Variants in TNS3 observed in about 807,000 individuals in gnomAD.
TNS3 encodes tensin 3.
In TNS3, 45 loss-of-function variants were observed where a neutral mutation model predicts 140.9. That is an observed-to-expected ratio of 0.32 (90% CI 0.25 to 0.41). The LOEUF (loss-of-function observed/expected upper bound fraction) is 0.41, where lower values mean the gene tolerates loss of function less well. TNS3 is among the 10% of genes least tolerant of loss of function. The probability of loss-of-function intolerance (pLI) is 1.00; values close to 1 mark genes in which losing one functional copy is unlikely to be tolerated. For missense variants in TNS3, 1,716 were observed against 1,906.7 expected, an observed-to-expected ratio of 0.90 and a Z score of 1.86; for synonymous variants, 815 against 788.4, an observed-to-expected ratio of 1.03 and a Z score of -0.56.
chr7:47,554,064 C>CA (rs1352270596), intron 1 of TNS3, among the ~76,000 whole-genome samples: 1 of 151,658 alleles, frequency 6.6e-6, no homozygotes, highest in Non-Finnish European at 1.5e-5. Context: ...CTCGGCCTCC[C>CA]AAAGTGCTGG....
rs1313525717 is a variant in TNS3 at position 47,471,808 on chromosome 7, G to GGTGT, written c.-76+9291_-76+9294dup. Among the ~76,000 whole-genome samples, 4 of 152,178 alleles carry GGTGT rather than the reference G, an allele frequency of 2.6e-5. No homozygotes were observed. In the East Asian group the frequency reaches 7.7e-4, roughly 29 times the overall value. On this transcript the variant is annotated intron_variant, in intron 4 of 30. Coordinates refer to ENST00000311160, the MANE Select transcript of TNS3 (RefSeq NM_022748.12). ...GTCTTCACCCAGATGAGGCTGGAGAGGTGTGAGCCAAAAAGGATTTCCAGA... is the reference window on the plus strand; with the variant it reads ...GTCTTCACCCAGATGAGGCTGGAGAGGTGTGTGTGAGCCAAAAAGGATTTCCAGA...
intron 20 of TNS3, among the ~76,000 whole-genome samples, chr7:47,320,409 C>T (rs553821368): frequency 2.0e-5 from 3 of 152,222 alleles, no homozygotes; most frequent in East Asian, 1.9e-4. Context: ...TGGTATTCCA[C>T]GAGTTGGGAG....
chr7:47,517,213 C>T (rs1007839436), intron 2 of TNS3, among the ~76,000 whole-genome samples: 8 of 152,164 alleles, frequency 5.3e-5, no homozygotes, highest in Non-Finnish European at 1.2e-4. Flanking sequence ...AAGACAAGAA[C>T]GCCCAACCTT....
chr7:47,475,533 CGGG>C (rs5884004), intron 4 of TNS3, among the ~76,000 whole-genome samples: 1 of 151,140 alleles, frequency 6.6e-6, no homozygotes, highest in South Asian at 2.1e-4. Context: ...GGCACTTCCC[CGGG>C]GGGGGGGCCA....
chr7:47,344,683 CTG>C, intron 20 of TNS3, 70 bp downstream of exon 20: 3 of 1,368,714 alleles, frequency 2.2e-6, no homozygotes, highest in Middle Eastern at 2.6e-4. Context: ...GAGTTCTTCT[CTG>C]TAAAAATGGC....
intron 1 of TNS3, among the ~76,000 whole-genome samples, chr7:47,573,672 C>G (rs975788208): frequency 6.6e-6 from 1 of 152,188 alleles, no homozygotes; most frequent in Non-Finnish European, 1.5e-5. Flanking sequence ...CCAGTTGACT[C>G]CAGATAGAGC....
chr7:47,437,447 CAG>C (rs924806850), intron 6 of TNS3, 134 bp from the exon 7 acceptor site: 1 of 311,168 alleles, frequency 3.2e-6, no homozygotes, highest in African/African-American at 2.2e-5. Flanking sequence ...ACTCACAAAT[CAG>C]GGGGAAAAAA....
chr7:47,400,758 C>A (rs752232202), intron 14 of TNS3, 27 bp downstream of exon 14: 5 of 1,611,638 alleles, frequency 3.1e-6, no homozygotes, highest in Middle Eastern at 1.7e-4. Context: ...TGCCCACAAG[C>A]ACAGGGCCGC....
In TNS3 at chr7:47,358,391, C is replaced by G. The variant is rs956812637; in HGVS notation, c.2281+9974G>C. On this transcript the variant is annotated intron_variant, in intron 17 of 30. Transcript: ENST00000311160. ...TGACCTCGTGATCCACCCACCGTGG[C>G]CTCTCAAAGTGTTGGGATTACAGGC... Among the ~76,000 whole-genome samples the G allele has an allele frequency of 5.3e-5, 8 of 152,344 alleles. No individual in the cohort carries two copies. In the South Asian group the frequency reaches 1.7e-3, roughly 32 times the overall value.
Position 47,415,101 on chromosome 7 carries a change from T to A in TNS3, c.579A>T (p.Thr193=). Residue 193 remains threonine, a synonymous_variant, in exon 11 of 31, where the codon ACA becomes ACT. Coordinates refer to ENST00000311160, the MANE Select transcript of TNS3 (RefSeq NM_022748.12). ...GTCATAGGGGACACTCACCTCCACC[T>A]GTGTCGAAGTTGGGGGTGCCGTGGA... ...VILHGTPNFD[T]GGVCRPFLKL... 1 of 1,610,742 alleles carries A rather than the reference T, an allele frequency of 6.2e-7. No individual in the cohort carries two copies. Among genetic ancestry groups the A allele is most frequent in the South Asian group, 1.1e-5 (1 of 90,474 alleles).
At chr7:47,380,913 C>T (rs527427475) in intron 16 of TNS3, among the ~76,000 whole-genome samples, 46 of 152,286 alleles carry the variant, frequency 3.0e-4, no homozygotes, top group African/African-American at 9.9e-4. Context: ...AGGGCGGGGG[C>T]GTGCCACCTC....
intron 3 of TNS3, among the ~76,000 whole-genome samples, chr7:47,486,400 C>T (rs1797617861): frequency 6.6e-6 from 1 of 151,942 alleles, no homozygotes. Flanking sequence ...GAGTGTATAC[C>T]TGTATGTGTC....
intron 16 of TNS3, among the ~76,000 whole-genome samples, chr7:47,382,135 C>CCTT (rs938428110): frequency 3.0e-4 from 46 of 152,160 alleles, no homozygotes; most frequent in Non-Finnish European, 1.0e-4. Context: ...GGCCAAGGTA[C>CCTT]CTTTATCCAT....
intron 20 of TNS3, among the ~76,000 whole-genome samples, chr7:47,339,956 C>CATAT (rs35991026): frequency 0.034 from 4,592 of 136,338 alleles, 95 homozygotes; most frequent in South Asian, 0.048. Context: ...TTATAAGTGG[C>CATAT]ATATATATAT....
At chr7:47,439,947 A>G (rs1161368211) in intron 5 of TNS3, among the ~76,000 whole-genome samples, 2 of 152,130 alleles carry the variant, frequency 1.3e-5, no homozygotes, top group Non-Finnish European at 2.9e-5. Flanking sequence ...GCAGTGACGC[A>G]TGGGCTCAAA....
At chr7:47,365,253 T>C (rs1790622483) in intron 17 of TNS3, among the ~76,000 whole-genome samples, 1 of 151,644 alleles carries the variant, frequency 6.6e-6, no homozygotes, top group Admixed American at 6.6e-5. Context: ...AAGACCACCT[T>C]GGCCAATATG....
intron 17 of TNS3, among the ~76,000 whole-genome samples, chr7:47,365,778 AT>A (rs1790663127): frequency 6.6e-6 from 1 of 152,168 alleles, no homozygotes. Flanking sequence ...AAATAAAAAA[AT>A]AAAGTAATGA....
chr7:47,547,696 C>T (rs964246527), intron 1 of TNS3, among the ~76,000 whole-genome samples: 4 of 152,134 alleles, frequency 2.6e-5, no homozygotes, highest in African/African-American at 4.8e-5. Flanking sequence ...ACGTCTACGC[C>T]GCCATCCACC....
intron 3 of TNS3, among the ~76,000 whole-genome samples, chr7:47,505,172 GCACCATACA>G (rs1162890912): frequency 6.6e-6 from 1 of 152,090 alleles, no homozygotes; most frequent in Non-Finnish European, 1.5e-5. Flanking sequence ...GCGGACAAAG[GCACCATACA>G]ACAGGGGTGA....
Sources: gnomAD v4.1 joint callset for allele counts (sites outside exome capture counted in the v4.1 genomes callset) on GRCh38, gnomAD v4.1.1 for gene constraint, MANE v1.5 for transcripts, NCBI Gene and HGNC (gene_info 2026-07-23, HGNC 2026-07-21) for gene names.